Variants in CMC1 observed in about 807,000 individuals in gnomAD.
CMC1 encodes C-X9-C motif containing 1, also known as COX assembly mitochondrial protein homolog.
A neutral mutation model predicts 14.1 loss-of-function variants in CMC1; 14 were observed. The ratio of observed to expected loss-of-function variants is 0.99; its 90% confidence interval spans 0.66 to 1.55. CMC1 has a LOEUF of 1.55. Among genes scored for constraint, CMC1 ranks in the 40% most tolerant of loss-of-function variants. The pLI is 0.00. For synonymous variants in CMC1, 50 were observed against 38.4 expected (o/e 1.30, Z -1.12); for missense variants, 127 against 123.8 (o/e 1.03, Z -0.12).
At chr3:28,276,126 C>T (rs1328186260) in intron 2 of CMC1, among the ~76,000 whole-genome samples, 2 of 152,092 alleles carry the variant, frequency 1.3e-5, no homozygotes, top group Non-Finnish European at 2.9e-5. Context: ...CCTAGCCAGT[C>T]CCAGTGAGAA....
intron 2 of CMC1, among the ~76,000 whole-genome samples, chr3:28,311,599 G>C (rs1040619417): frequency 3.3e-5 from 5 of 152,132 alleles, no homozygotes; most frequent in Admixed American, 6.5e-5. Context: ...GTGACCTCCT[G>C]TTGTCTTCAG....
intron 2 of CMC1, among the ~76,000 whole-genome samples, chr3:28,288,491 A>C (rs1321892416): frequency 6.6e-6 from 1 of 152,060 alleles, no homozygotes; most frequent in Non-Finnish European, 1.5e-5. Context: ...TGTAACATTA[A>C]GTGTTAAATG....
intron 1 of CMC1, among the ~76,000 whole-genome samples, chr3:28,253,199 A>G (rs1434236748): frequency 2.0e-5 from 3 of 152,164 alleles, no homozygotes; most frequent in East Asian, 1.9e-4. Flanking sequence ...GTGAGAACTA[A>G]CAATTGAGAA....
chr3:28,282,711 A>G (rs866985399), intron 2 of CMC1, among the ~76,000 whole-genome samples: 4 of 152,118 alleles, frequency 2.6e-5, no homozygotes, highest in African/African-American at 7.2e-5. Flanking sequence ...GCATTCTAAT[A>G]TATTACCTGT....
In CMC1 at chr3:28,293,522, G is replaced by A. The variant is rs1451342512; in HGVS notation, c.110-22811G>A. On this transcript the variant is annotated intron_variant, in intron 2 of 3. Transcript: ENST00000466830. ...TATCAAGAAGATACTCATCTTTAAC[G>A]AAAATTTGCTTTTGAGGCTTATGTT... 2.0e-5 allele frequency among the ~76,000 whole-genome samples: 3 copies of A among 152,200 alleles called. No homozygotes were observed. In the East Asian group the frequency reaches 5.8e-4, roughly 29 times the overall value.
intron 2 of CMC1, among the ~76,000 whole-genome samples, chr3:28,275,023 A>C (rs764205517): frequency 1.1e-4 from 17 of 152,200 alleles, no homozygotes; most frequent in Middle Eastern, 3.4e-3. Flanking sequence ...GCTTATTTGC[A>C]TTGGGTTAGA....
chr3:28,253,553 C>T (rs1259399733), intron 1 of CMC1, among the ~76,000 whole-genome samples: 1 of 152,044 alleles, frequency 6.6e-6, no homozygotes, highest in African/African-American at 2.4e-5. Context: ...TGCGCCCTAT[C>T]CTGGGTGACA....
chr3:28,261,973 G>C (rs565073101), intron 1 of CMC1, among the ~76,000 whole-genome samples: 1 of 152,254 alleles, frequency 6.6e-6, no homozygotes, highest in African/African-American at 2.4e-5. Flanking sequence ...GTAATAAGGA[G>C]ATTACTTCTT....
At chr3:28,300,964 C>T (rs1177411952) in intron 2 of CMC1, among the ~76,000 whole-genome samples, 3 of 139,154 alleles carry the variant, frequency 2.2e-5, no homozygotes, top group Non-Finnish European at 4.6e-5. Context: ...GAAATGATAA[C>T]GTTCTGTACC....
chr3:28,261,623 A>C lies in CMC1; in HGVS notation c.20-1668A>C, dbSNP rs189766349. 3.9e-5 allele frequency among the ~76,000 whole-genome samples: 6 copies of C among 152,264 alleles called. No homozygotes were observed. In the East Asian group the frequency reaches 1.2e-3, roughly 29 times the overall value. On this transcript the variant is annotated intron_variant, in intron 1 of 3. Coordinates refer to ENST00000466830, the MANE Select transcript of CMC1 (RefSeq NM_182523.2). ...TAAAATGCACACCAGAGCCACCGGA[A>C]CTTTGAGTCTTCCCAGATCAGGCCC...
chr3:28,294,974 T>TC (rs1408289149), intron 2 of CMC1, among the ~76,000 whole-genome samples: 2 of 125,776 alleles, frequency 1.6e-5, no homozygotes, highest in Admixed American at 8.6e-5. Flanking sequence ...GTGCTGATCA[T>TC]TATTGTTATT....
intron 2 of CMC1, among the ~76,000 whole-genome samples, chr3:28,282,968 C>T (rs963674432): frequency 6.6e-6 from 1 of 152,098 alleles, no homozygotes; most frequent in Non-Finnish European, 1.5e-5. Context: ...GTAAGATTTC[C>T]AGGTCATCAC....
At chr3:28,265,788 G>T (rs1699978543) in intron 2 of CMC1, among the ~76,000 whole-genome samples, 1 of 152,184 alleles carries the variant, frequency 6.6e-6, no homozygotes, top group South Asian at 2.1e-4. Flanking sequence ...GTTATTGACA[G>T]CTACACTTCC....
intron 2 of CMC1, among the ~76,000 whole-genome samples, chr3:28,299,760 A>T (rs1330432217): frequency 6.6e-6 from 1 of 151,914 alleles, no homozygotes; most frequent in East Asian, 1.9e-4. Context: ...ACTTTTTTTT[A>T]TGTTCAACAT....
chr3:28,278,049 T>C lies in CMC1; in HGVS notation c.109+14669T>C, dbSNP rs188105831. Reference sequence around the variant, plus strand: ...ATTAGAGACACCATTTTTGTCTGATTGTGTGATTGATGTGATTGTGTGATT... The same window carrying C: ...ATTAGAGACACCATTTTTGTCTGATCGTGTGATTGATGTGATTGTGTGATT... On this transcript the variant is annotated intron_variant, in intron 2 of 3. Coordinates refer to ENST00000466830, the MANE Select transcript of CMC1 (RefSeq NM_182523.2). Among the ~76,000 whole-genome samples, 759 of 152,136 alleles carry C rather than the reference T, an allele frequency of 5.0e-3. 10 individuals are homozygous for C. Among genetic ancestry groups the C allele is most frequent in the African/African-American group, 0.017 (725 of 41,526 alleles).
At chr3:28,319,482 G>C (rs1244583783) in intron 3 of CMC1, 27 bp from the exon 4 acceptor site, 2 of 1,566,504 alleles carry the variant, frequency 1.3e-6, no homozygotes, top group South Asian at 2.3e-5. Flanking sequence ...TTATTTACTT[G>C]AAAATATTTT....
chr3:28,280,133 A>T (rs1283746302), intron 2 of CMC1, among the ~76,000 whole-genome samples: 1 of 152,238 alleles, frequency 6.6e-6, no homozygotes, highest in Non-Finnish European at 1.5e-5. Context: ...ATGCTTAGTG[A>T]AATATAAGTG....
chr3:28,324,478 T>A lies in CMC1; in HGVS notation c.*4849T>A. The A allele has an allele frequency of 5.6e-6, 8 of 1,435,676 alleles. No homozygotes were observed. The highest frequency in any genetic ancestry group is 7.4e-6 in the Non-Finnish European group (8 of 1,086,524). The allele number at this position is 1,435,676 out of a possible 1,614,324, so 88.9% of individuals were successfully genotyped here. A position where few individuals can be genotyped will look rare whatever the true frequency, so the allele number is the denominator to read the frequency against. On this transcript the variant is annotated 3_prime_UTR_variant, in exon 4 of 4. Transcript: ENST00000466830. Reference sequence around the variant, plus strand: ...GGCTAAAAAGAAAACACAGACTAAATGTCAGTTTTCATTACATTTGTGATC... The same window carrying A: ...GGCTAAAAAGAAAACACAGACTAAAAGTCAGTTTTCATTACATTTGTGATC...
chr3:28,310,663 G>A (rs542571591), intron 2 of CMC1, among the ~76,000 whole-genome samples: 14 of 152,296 alleles, frequency 9.2e-5, no homozygotes, highest in South Asian at 6.2e-4. Context: ...CATCTGCAGT[G>A]TATAGATTTG....
Sources: allele counts gnomAD v4.1 joint callset (sites outside exome capture counted in the v4.1 genomes callset), GRCh38; gene constraint gnomAD v4.1.1; transcripts MANE v1.5; gene names NCBI Gene and HGNC (gene_info 2026-07-23, HGNC 2026-07-21).